ATAD2B: variants seen among roughly 807,000 people sequenced by gnomAD.
ATAD2B encodes ATPase family AAA domain-containing protein 2B.
Under a neutral mutation model 167.6 loss-of-function variants are expected in ATAD2B, and 40 were observed. The observed-to-expected ratio is 0.24, with a 90% CI of 0.19 to 0.31. The LOEUF is 0.31. ATAD2B is among the 10% of genes least tolerant of loss of function. ATAD2B has a pLI of 1.00. For synonymous variants in ATAD2B, 579 were observed against 596.5 expected (o/e 0.97, Z 0.43); for missense variants, 1,242 against 1,757.2 (o/e 0.71, Z 5.24).
At chr2:23,823,122 C>A in intron 16 of ATAD2B, 136 bp downstream of exon 16, 1 of 763,520 alleles carries the variant, frequency 1.3e-6, no homozygotes, top group South Asian at 2.0e-5. Flanking sequence ...AGGCAATATG[C>A]CAGGCCTGGA....
chr2:23,869,670 T>C lies in ATAD2B; in HGVS notation c.1069A>G (p.Arg357Gly), dbSNP rs1404442911. Residue 357 changes from arginine to glycine, a missense_variant, in exon 9 of 28, where the codon AGA becomes GGA. By Grantham distance (125) the Arg-to-Gly change is moderately radical. Around this residue, in one of 9 missense-constraint regions of ATAD2B, gnomAD observed 127 missense variants for 146.3 expected, o/e 0.87. Coordinates refer to ENST00000238789, the MANE Select transcript of ATAD2B (RefSeq NM_017552.4). Reference protein sequence around the residue: ...RRKSKSMARARNRCLPMNFRA... With the variant: ...RRKSKSMARAGNRCLPMNFRA... The stretch of plus-strand genomic sequence containing the variant: ...ATTACAAATTTTACTAACCTATTTC[T>C]TGCTCTTGCCATGCTCTTTGATTTC... 2.2e-5 allele frequency: 34 copies of C among 1,559,494 alleles called. No individual in the cohort carries two copies. The highest frequency in any genetic ancestry group is 2.9e-5 in the Non-Finnish European group (33 of 1,149,162).
intron 1 of ATAD2B, among the ~76,000 whole-genome samples, chr2:23,897,378 G>T (rs1000200725): frequency 1.3e-5 from 2 of 152,050 alleles, no homozygotes; most frequent in Non-Finnish European, 2.9e-5. Flanking sequence ...CATTATGGGG[G>T]ATTATTTTGA....
At chr2:23,772,492 T>TA (rs894626742) in intron 22 of ATAD2B, among the ~76,000 whole-genome samples, 8 of 150,538 alleles carry the variant, frequency 5.3e-5, no homozygotes, top group South Asian at 4.2e-4. Context: ...GAAGAGAAAC[T>TA]AAAAAAAAAG....
chr2:23,694,294 AG>A, the ATAD2B span, among the ~76,000 whole-genome samples: 1 of 152,070 alleles, frequency 6.6e-6, no homozygotes, highest in African/African-American at 2.4e-5. Flanking sequence ...CTTCTCCCAT[AG>A]CCATTTCGCT....
At chr2:23,811,588 G>C (rs2149548329) in intron 17 of ATAD2B, 1 of 152,260 alleles carries the variant, frequency 6.6e-6, no homozygotes, top group African/African-American at 2.4e-5. Flanking sequence ...CACACACCGG[G>C]GCCTGTCCGG....
intron 13 of ATAD2B, among the ~76,000 whole-genome samples, chr2:23,857,209 T>C (rs1693567907): frequency 6.6e-6 from 1 of 152,232 alleles, no homozygotes; most frequent in African/African-American, 2.4e-5. Flanking sequence ...CAATATAACT[T>C]CATTTACAAA....
At chr2:23,823,160 T>G (rs1409765821) in intron 16 of ATAD2B, 98 bp downstream of exon 16, 15 of 1,083,932 alleles carry the variant, frequency 1.4e-5, no homozygotes, top group Non-Finnish European at 2.0e-5. Flanking sequence ...AACAGATATA[T>G]TACAAAAGTG....
chr2:23,762,914 C>G (rs1441556405), intron 23 of ATAD2B, among the ~76,000 whole-genome samples: 1 of 152,118 alleles, frequency 6.6e-6, no homozygotes, highest in Non-Finnish European at 1.5e-5. Context: ...TTTCTTCTTA[C>G]TCTAATCTAC....
the ATAD2B span, among the ~76,000 whole-genome samples, chr2:23,735,982 G>C: frequency 6.6e-6 from 1 of 152,150 alleles, no homozygotes; most frequent in Admixed American, 6.5e-5. Context: ...GCAAAGGTAG[G>C]AGAGAACAAA....
chr2:23,721,882 C>T, the ATAD2B span, among the ~76,000 whole-genome samples: 35 of 152,376 alleles, frequency 2.3e-4, no homozygotes, highest in African/African-American at 8.4e-4. Flanking sequence ...CACACACACA[C>T]CCTCAATCTG....
Position 23,869,733 on chromosome 2 carries a change from CACT to C in ATAD2B, c.1003_1005del (p.Ser335del). 1 of 1,566,758 alleles carries C rather than the reference CACT, an allele frequency of 6.4e-7. No homozygotes were observed. The highest frequency in any genetic ancestry group is 8.7e-7 in the Non-Finnish European group (1 of 1,153,758). On this transcript the variant is annotated inframe_deletion, in exon 9 of 28. Transcript: ENST00000238789. ...CGTTCCTCATCAGAAGAAGTTGTGT[CACT>C]ACTATGAATGGCATGCTTCTTTCTC...
chr2:23,870,188 C>A (rs1282469936), intron 8 of ATAD2B, among the ~76,000 whole-genome samples: 11 of 134,474 alleles, frequency 8.2e-5, no homozygotes, highest in African/African-American at 3.1e-4. Flanking sequence ...GCCTGGGTGA[C>A]AGAGCAAGAC....
chr2:23,760,677 A>AT (rs1384292255), intron 24 of ATAD2B, among the ~76,000 whole-genome samples: 109 of 144,332 alleles, frequency 7.6e-4, no homozygotes, highest in African/African-American at 1.4e-3. Context: ...AAAAAAAAAA[A>AT]AAATAAATAA....
In ATAD2B at chr2:23,776,948, C is replaced by A. The variant is rs541274192; in HGVS notation, c.3133+5921G>T. ...ATTTATATGTGGAAGGCTTAACTCC[C>A]AGTACCTTAAAATATGACTGTATTT... is the stretch of plus-strand genomic sequence containing the variant. On this transcript the variant is annotated intron_variant, in intron 22 of 27. Coordinates refer to ENST00000238789, the MANE Select transcript of ATAD2B (RefSeq NM_017552.4). Among the ~76,000 whole-genome samples the A allele has an allele frequency of 8.5e-5, 13 of 152,182 alleles. 1 individual carries two copies. The South Asian group carries it at 2.5e-3, about 29-fold the overall frequency.
At chr2:23,911,512 G>A (rs1021488226) in intron 1 of ATAD2B, among the ~76,000 whole-genome samples, 1 of 150,734 alleles carries the variant, frequency 6.6e-6, no homozygotes, top group African/African-American at 2.4e-5. Flanking sequence ...CCTTGATCGT[G>A]CCTCTTCACT....
chr2:23,754,562 A>T, intron 26 of ATAD2B, 85 bp downstream of exon 26: 3 of 1,500,878 alleles, frequency 2.0e-6, no homozygotes, highest in Non-Finnish European at 2.7e-6. Context: ...TTAAAGCAGG[A>T]AAACTACTTT....
In ATAD2B at chr2:23,862,401, G is replaced by GTTTTTTTTTTTT. The variant is rs750865073; in HGVS notation, c.1479+968_1479+979dup. Among the ~76,000 whole-genome samples the GTTTTTTTTTTTT allele has an allele frequency of 5.1e-4, 51 of 99,432 alleles. 2 individuals carry two copies. Among genetic ancestry groups the GTTTTTTTTTTTT allele is most frequent in the African/African-American group, 1.8e-3 (45 of 25,152 alleles). The allele number at this position is 99,432 out of a possible 152,430, so 65.2% of individuals were successfully genotyped here. A position where few individuals can be genotyped will look rare whatever the true frequency, so the allele number is the denominator to read the frequency against. ...CAAAAGTGAATTTATATTTGGACTG[G>GTTTTTTTTTTTT]TTTTTTTTTTTTTTTTTTTTTTTTT... On this transcript the variant is annotated intron_variant, in intron 12 of 27. Transcript: ENST00000238789.
chr2:23,887,803 T>C (rs374562811), intron 4 of ATAD2B, 29 bp downstream of exon 4: 97 of 1,510,778 alleles, frequency 6.4e-5, no homozygotes, highest in Non-Finnish European at 7.8e-5. Context: ...AATAATTAAA[T>C]GAAACTGCTT....
At chr2:23,763,756 A>C (rs138887672) in intron 23 of ATAD2B, among the ~76,000 whole-genome samples, 1 of 151,960 alleles carries the variant, frequency 6.6e-6, no homozygotes, top group African/African-American at 2.4e-5. Flanking sequence ...CGCCTAGCTA[A>C]TATTTCTCAC....
Sources: allele counts gnomAD v4.1 joint callset (sites outside exome capture counted in the v4.1 genomes callset), GRCh38; gene constraint gnomAD v4.1.1; regional missense constraint gnomAD v4.1.1; transcripts MANE v1.5; gene names NCBI Gene and HGNC (gene_info 2026-07-23, HGNC 2026-07-21).